SYK: variants seen among roughly 807,000 people sequenced by gnomAD.
SYK encodes the protein tyrosine-protein kinase SYK.
A neutral mutation model predicts 77.8 loss-of-function variants in SYK; 16 were observed. The ratio of observed to expected loss-of-function variants is 0.21; its 90% CI spans 0.14 to 0.31. The LOEUF (loss-of-function observed/expected upper bound fraction) is 0.31, where lower values mean the gene tolerates loss of function less well. Ranked by LOEUF, SYK falls within the 10% of genes least tolerant of loss-of-function variation. The probability of loss-of-function intolerance (pLI) is 1.00; values close to 1 mark genes in which losing one functional copy is unlikely to be tolerated. For missense variants in SYK, 529 were observed against 814.4 expected (o/e 0.65, Z 4.26); for synonymous variants, 312 against 308.7 (o/e 1.01, Z -0.11).
At chr9:90,865,296 T>C (rs574916262) in intron 6 of SYK, among the ~76,000 whole-genome samples, 199 bp downstream of exon 6, 3 of 152,152 alleles carry the variant, frequency 2.0e-5, no homozygotes, top group Non-Finnish European at 4.4e-5. Flanking sequence ...CATTTTCTTT[T>C]CTTTTTTTCT....
chr9:90,811,788 G>T (rs1251413577), intron 1 of SYK, among the ~76,000 whole-genome samples: 1 of 150,902 alleles, frequency 6.6e-6, no homozygotes, highest in Non-Finnish European at 1.5e-5. Flanking sequence ...AGCCTGGACT[G>T]GTGGTGTGCA....
At chr9:90,832,569 CTATTT>C (rs1366909643) in intron 1 of SYK, among the ~76,000 whole-genome samples, 1 of 152,228 alleles carries the variant, frequency 6.6e-6, no homozygotes, top group African/African-American at 2.4e-5. Context: ...TTCCTAACCT[CTATTT>C]TAGCTCCACG....
chr9:90,842,252 A>G (rs927683744), intron 1 of SYK, among the ~76,000 whole-genome samples: 1 of 141,392 alleles, frequency 7.1e-6, no homozygotes, highest in Non-Finnish European at 1.5e-5. Context: ...GTGTGTGTGT[A>G]GTGCAGCTGT....
intron 10 of SYK, among the ~76,000 whole-genome samples, chr9:90,878,049 TAGACTC>T (rs1828012600): frequency 1.3e-5 from 2 of 152,350 alleles, no homozygotes; most frequent in East Asian, 3.9e-4. Context: ...GGCCTAGTGA[TAGACTC>T]AGCCTCAGAA....
intron 13 of SYK, among the ~76,000 whole-genome samples, chr9:90,892,659 C>T (rs1828840506): frequency 6.6e-6 from 1 of 152,220 alleles, no homozygotes; most frequent in African/African-American, 2.4e-5. Context: ...GTCAGGAAGC[C>T]TTCCACTGTA....
At chr9:90,824,453 T>C (rs543160460) in intron 1 of SYK, among the ~76,000 whole-genome samples, 1 of 152,242 alleles carries the variant, frequency 6.6e-6, no homozygotes, top group East Asian at 1.9e-4. Context: ...ATATTACTTA[T>C]ATATACAAAA....
intron 3 of SYK, among the ~76,000 whole-genome samples, chr9:90,846,541 C>T (rs1138021): frequency 0.016 from 2,430 of 152,240 alleles, 66 homozygotes; most frequent in African/African-American, 0.056. Context: ...TGCAGTGGCA[C>T]GCACCTGTAG....
At chr9:90,816,725 C>T (rs907479585) in intron 1 of SYK, among the ~76,000 whole-genome samples, 3 of 152,194 alleles carry the variant, frequency 2.0e-5, no homozygotes, top group African/African-American at 7.2e-5. Context: ...CTGGTAACCA[C>T]TATTTTGTTC....
intron 3 of SYK, among the ~76,000 whole-genome samples, chr9:90,858,130 C>G (rs902605912): frequency 6.6e-6 from 1 of 152,164 alleles, no homozygotes; most frequent in African/African-American, 2.4e-5. Flanking sequence ...ATTCTCTCTC[C>G]CCTAGGAGGG....
intron 1 of SYK, among the ~76,000 whole-genome samples, chr9:90,802,808 C>A (rs1231480699): frequency 5.5e-4 from 1 of 1,834 alleles, no homozygotes; most frequent in African/African-American, 0.011. Flanking sequence ...AGCATTGCAG[C>A]GTGTAGTAAA....
chr9:90,830,132 T>C (rs1373306237), intron 1 of SYK, among the ~76,000 whole-genome samples: 3 of 152,214 alleles, frequency 2.0e-5, no homozygotes, highest in Admixed American at 2.0e-4. Context: ...TACTAAGAAG[T>C]CCCCCATGTA....
intron 1 of SYK, among the ~76,000 whole-genome samples, chr9:90,807,730 A>G (rs7868795): frequency 0.12 from 17,519 of 152,236 alleles, 1,188 homozygotes; most frequent in Admixed American, 0.23. Context: ...TGTCCATTGC[A>G]TAACTGATAC....
chr9:90,854,043 C>A (rs1330058115), intron 3 of SYK, among the ~76,000 whole-genome samples: 7 of 152,080 alleles, frequency 4.6e-5, no homozygotes, highest in Admixed American at 4.6e-4. Flanking sequence ...ATCTACAGAA[C>A]CCCAGTCCGA....
intron 1 of SYK, among the ~76,000 whole-genome samples, chr9:90,819,395 T>C (rs1825423493): frequency 6.6e-6 from 1 of 152,196 alleles, no homozygotes; most frequent in African/African-American, 2.4e-5. Flanking sequence ...TTCCCACTGC[T>C]GATAAAGACA....
At chr9:90,887,698 C>A (rs763741029) in intron 11 of SYK, 51 bp from the exon 12 acceptor site, 1 of 1,552,192 alleles carries the variant, frequency 6.4e-7, no homozygotes. Context: ...CCAATGTGCC[C>A]GGCCCACAAT....
intron 1 of SYK, among the ~76,000 whole-genome samples, chr9:90,825,300 C>A (rs1417907158): frequency 6.6e-6 from 1 of 152,162 alleles, no homozygotes. Context: ...TTCTGCCAAG[C>A]TTGATCTGTA....
At chr9:90,821,914 T>C (rs1424251158) in intron 1 of SYK, among the ~76,000 whole-genome samples, 5 of 152,034 alleles carry the variant, frequency 3.3e-5, no homozygotes, top group African/African-American at 7.3e-5. Flanking sequence ...GCATGAGTCA[T>C]AGTTAGTGCT....
intron 1 of SYK, among the ~76,000 whole-genome samples, chr9:90,811,939 GA>G (rs5899108): frequency 0.71 from 96,438 of 136,468 alleles, 32,836 homozygotes; most frequent in East Asian, 0.82. Flanking sequence ...AATAATAAGT[GA>G]AAAAAAAAAA....
chr9:90,840,982 T>A (rs1395480286), intron 1 of SYK, among the ~76,000 whole-genome samples: 3 of 152,200 alleles, frequency 2.0e-5, no homozygotes, highest in Admixed American at 2.0e-4. Flanking sequence ...CCGCTTCACA[T>A]CATCGTGGTG....
Sources: gnomAD v4.1 joint callset for allele counts (sites outside exome capture counted in the v4.1 genomes callset) on GRCh38, gnomAD v4.1.1 for gene constraint, MANE v1.5 for transcripts, NCBI Gene and HGNC (gene_info 2026-07-23, HGNC 2026-07-21) for gene names.